EYA4: variants seen among roughly 807,000 people sequenced by gnomAD.
EYA4 encodes EYA transcriptional coactivator and phosphatase 4.
In EYA4, 31 loss-of-function variants were observed where a neutral mutation model predicts 87.9. That is an observed-to-expected ratio of 0.35 (90% CI 0.27 to 0.48). EYA4 has a LOEUF of 0.48. Among genes scored for constraint, EYA4 ranks in the 20% least tolerant of loss-of-function variants. The pLI is 0.99. For synonymous variants in EYA4, 263 were observed against 270.6 expected, an observed-to-expected ratio of 0.97 and a Z score of 0.28; for missense variants, 678 against 761.4, an observed-to-expected ratio of 0.89 and a Z score of 1.29.
chr6:133,513,527 T>C (rs1025462119), intron 16 of EYA4, among the ~76,000 whole-genome samples: 2 of 152,182 alleles, frequency 1.3e-5, no homozygotes, highest in African/African-American at 2.4e-5. Context: ...AAAAAAATCA[T>C]GTTTTATGTC....
At chr6:133,395,649 T>C (rs1330306861) in intron 3 of EYA4, among the ~76,000 whole-genome samples, 1 of 152,188 alleles carries the variant, frequency 6.6e-6, no homozygotes, top group African/African-American at 2.4e-5. Flanking sequence ...TAGTCCCTGG[T>C]ACTCAGCAGG....
At chr6:133,345,682 G>C (rs1471972429) in intron 2 of EYA4, among the ~76,000 whole-genome samples, 1 of 152,062 alleles carries the variant, frequency 6.6e-6, no homozygotes, top group African/African-American at 2.4e-5. Flanking sequence ...TTAAAATTGA[G>C]AGTAATGATA....
intron 10 of EYA4, among the ~76,000 whole-genome samples, chr6:133,465,675 C>A (rs73544949): frequency 1.3e-5 from 2 of 152,130 alleles, no homozygotes; most frequent in Non-Finnish European, 2.9e-5. Flanking sequence ...TGGCTGACTT[C>A]TGGTCTGGCA....
chr6:133,528,821 G>A lies in EYA4; in HGVS notation c.*16G>A, dbSNP rs376077686. ...GTATTTGTAACTGTGTTCTTTAGCCGGAGATCCATTTTTTATATTTCAAGT... is the reference window on the plus strand; with the variant it reads ...GTATTTGTAACTGTGTTCTTTAGCCAGAGATCCATTTTTTATATTTCAAGT... On this transcript the variant is annotated 3_prime_UTR_variant, in exon 20 of 20. Transcript: ENST00000355286. 3.0e-5 allele frequency: 48 copies of A among 1,612,850 alleles called. No individual in the cohort carries two copies. In the African/African-American group the frequency reaches 5.6e-4, roughly 19 times the overall value.
chr6:133,405,057 A>AG (rs1316704128), intron 3 of EYA4, among the ~76,000 whole-genome samples: 1 of 152,084 alleles, frequency 6.6e-6, no homozygotes, highest in African/African-American at 2.4e-5. Context: ...TGCTTCACTG[A>AG]GAATCATTTC....
chr6:133,477,323 G>A (rs561463014), intron 11 of EYA4, among the ~76,000 whole-genome samples: 9 of 152,044 alleles, frequency 5.9e-5, no homozygotes, highest in Non-Finnish European at 1.3e-4. Flanking sequence ...CAGGTGTGAG[G>A]TGGTATCTCA....
chr6:133,262,244 T>G (rs988959629), intron 1 of EYA4, among the ~76,000 whole-genome samples: 11 of 152,328 alleles, frequency 7.2e-5, no homozygotes, highest in Admixed American at 2.6e-4. Context: ...AAGAGAGATT[T>G]ATGGCTGAGA....
At chr6:133,435,016 GTTTA>G (rs1284172929) in intron 3 of EYA4, 1 of 152,090 alleles carries the variant, frequency 6.6e-6, no homozygotes, top group African/African-American at 2.4e-5. Flanking sequence ...TTGGATTTTT[GTTTA>G]TTTCTTTGTT....
At chr6:133,362,933 T>C (rs1784564195) in intron 2 of EYA4, among the ~76,000 whole-genome samples, 3 of 152,196 alleles carry the variant, frequency 2.0e-5, no homozygotes. Flanking sequence ...CTTACATGCC[T>C]CTCTCCAAGT....
rs1045066019 is a variant in EYA4 at position 133,375,452 on chromosome 6, ATTT to A, written c.34-6937_34-6935del. Reference sequence around the variant, plus strand: ...ATTTCATTTATTACATTAGGACTCAATTTTTAAGTTAATACCTACTTTTACATT... The same window carrying A: ...ATTTCATTTATTACATTAGGACTCAATTAAGTTAATACCTACTTTTACATT... On this transcript the variant is annotated intron_variant, in intron 2 of 19. Coordinates refer to ENST00000355286, the MANE Select transcript of EYA4 (RefSeq NM_004100.5). Among the ~76,000 whole-genome samples, 149 of 151,922 alleles carry A rather than the reference ATTT, an allele frequency of 9.8e-4. 1 individual carries two copies. The highest frequency in any genetic ancestry group is 1.6e-3 in the Non-Finnish European group (107 of 67,880).
At chr6:133,288,166 A>T (rs1438620261) in intron 2 of EYA4, among the ~76,000 whole-genome samples, 4 of 152,112 alleles carry the variant, frequency 2.6e-5, no homozygotes, top group Non-Finnish European at 5.9e-5. Context: ...GGGATTGGCA[A>T]TTTTTTTGAA....
chr6:133,309,519 A>G (rs1362712158), intron 2 of EYA4, among the ~76,000 whole-genome samples: 1 of 152,226 alleles, frequency 6.6e-6, no homozygotes, highest in Non-Finnish European at 1.5e-5. Context: ...ACATTTTCAA[A>G]CAAATCTTTG....
chr6:133,520,105 A>T (rs531971588), intron 17 of EYA4, among the ~76,000 whole-genome samples: 1 of 151,848 alleles, frequency 6.6e-6, no homozygotes, highest in Non-Finnish European at 1.5e-5. Context: ...CACCACTCCT[A>T]TTCAACATAG....
rs114538179 is a variant in EYA4, at chr6:133,255,930, A to G, written c.-66+14181A>G. Among the ~76,000 whole-genome samples the G allele has an allele frequency of 2.9e-3, 439 of 152,190 alleles. 3 individuals carry two copies. Among genetic ancestry groups the G allele is most frequent in the African/African-American group, 0.01 (419 of 41,558 alleles). ...TATCTGTAGATAAAACTCTAGATGC[A>G]ATATTAATAGATAAATATGTATGTG... On this transcript the variant is annotated intron_variant, in intron 1 of 19. Transcript: ENST00000355286.
intron 2 of EYA4, among the ~76,000 whole-genome samples, chr6:133,278,677 A>C: frequency 6.6e-6 from 1 of 152,326 alleles, no homozygotes; most frequent in Non-Finnish European, 1.5e-5. Flanking sequence ...ATTTAACTGC[A>C]TATGACCAAA....
At chr6:133,292,630 T>C (rs1187515710) in intron 2 of EYA4, among the ~76,000 whole-genome samples, 1 of 152,222 alleles carries the variant, frequency 6.6e-6, no homozygotes, top group Non-Finnish European at 1.5e-5. Context: ...TCTCAGTCCC[T>C]GGTTGCTCTT....
At chr6:133,396,855 G>T (rs1787848218) in intron 3 of EYA4, among the ~76,000 whole-genome samples, 1 of 152,112 alleles carries the variant, frequency 6.6e-6, no homozygotes, top group South Asian at 2.1e-4. Flanking sequence ...ATCCAACCAT[G>T]CCTTCTTCCA....
intron 18 of EYA4, among the ~76,000 whole-genome samples, chr6:133,524,717 T>C (rs1050335708): frequency 6.6e-6 from 1 of 152,226 alleles, no homozygotes; most frequent in Non-Finnish European, 1.5e-5. Flanking sequence ...TAAACAAAGG[T>C]TAAAACTTAT....
At chr6:133,302,084 G>C (rs899047857) in intron 2 of EYA4, among the ~76,000 whole-genome samples, 3 of 152,194 alleles carry the variant, frequency 2.0e-5, no homozygotes, top group African/African-American at 7.2e-5. Context: ...TTTTGCAAAT[G>C]ACTCAGAAAC....
Sources: gnomAD v4.1 joint callset for allele counts (sites outside exome capture counted in the v4.1 genomes callset) on GRCh38, gnomAD v4.1.1 for gene constraint, MANE v1.5 for transcripts, NCBI Gene and HGNC (gene_info 2026-07-23, HGNC 2026-07-21) for gene names.